Variants in CTCF observed in about 807,000 individuals in gnomAD.
CTCF encodes CCCTC-binding factor.
CTCF carries 7 observed loss-of-function variants against 72.3 expected under a neutral mutation model. The ratio of observed to expected loss-of-function variants is 0.10; its 90% CI spans 0.06 to 0.18. The LOEUF is 0.18. Ranked by LOEUF, CTCF falls within the 10% of genes least tolerant of loss-of-function variation. The probability of loss-of-function intolerance (pLI) is 1.00; values close to 1 mark genes in which losing one functional copy is unlikely to be tolerated. For missense variants in CTCF, 516 were observed against 949.1 expected, an observed-to-expected ratio of 0.54 and a Z score of 6.00; for synonymous variants, 374 against 315.8, an observed-to-expected ratio of 1.18 and a Z score of -1.95.
intron 7 of CTCF, among the ~76,000 whole-genome samples, chr16:67,624,833 A>G (rs796581848): frequency 2.9e-4 from 44 of 152,006 alleles, no homozygotes; most frequent in African/African-American, 8.7e-4. Flanking sequence ...GACTCAAGCA[A>G]TCCACCCACC....
At chr16:67,589,061 G>A (rs777261070) in intron 2 of CTCF, among the ~76,000 whole-genome samples, 80 of 152,174 alleles carry the variant, frequency 5.3e-4, no homozygotes, top group Non-Finnish European at 1.6e-4. Context: ...GGAGGCTGAG[G>A]CAGGAAGATT....
rs111549822 is a variant in CTCF, at chr16:67,622,318, C to T, written c.1357+727C>T. 9.6e-3 allele frequency among the ~76,000 whole-genome samples: 1,457 copies of T among 151,154 alleles called. 26 individuals carry two copies. Among genetic ancestry groups the T allele is most frequent in the African/African-American group, 0.033 (1,352 of 41,182 alleles). On this transcript the variant is annotated intron_variant, in intron 7 of 11. Coordinates refer to ENST00000264010, the MANE Select transcript of CTCF (RefSeq NM_006565.4). ...TTGCAGTGAGCAGAGATCACGCCAC[C>T]GCACTCCAGCCTGGGTGACAGAGCG...
chr16:67,601,032 A>G lies in CTCF; in HGVS notation c.-9-9792A>G, dbSNP rs2051878984. ...TAAGAGGAACTGAGTATTTGAAAGC[A>G]GTAAAGAAAGGAGATGGATTGGAGC... On this transcript the variant is annotated intron_variant, in intron 2 of 11. Transcript: ENST00000264010. Among the ~76,000 whole-genome samples the G allele has an allele frequency of 2.0e-5, 3 of 152,296 alleles. No homozygotes were observed. In the South Asian group the frequency reaches 6.2e-4, roughly 32 times the overall value.
intron 2 of CTCF, among the ~76,000 whole-genome samples, chr16:67,582,889 T>C (rs1158964131): frequency 6.6e-6 from 1 of 152,146 alleles, no homozygotes; most frequent in Non-Finnish European, 1.5e-5. Flanking sequence ...TTAACAGCTA[T>C]GTAGATTATC....
rs546584912 is a variant in CTCF at position 67,617,731 on chromosome 16, C to T, written c.1086+853C>T. On this transcript the variant is annotated intron_variant, in intron 5 of 11. Coordinates refer to ENST00000264010, the MANE Select transcript of CTCF (RefSeq NM_006565.4). The stretch of plus-strand genomic sequence containing the variant: ...GTTAATACAGGCAAATTCTGTCAAA[C>T]TTTGAAGAAAAAACTGTACCCAGAG... 1.6e-3 allele frequency among the ~76,000 whole-genome samples: 243 copies of T among 152,190 alleles called. 1 individual carries two copies. Among genetic ancestry groups the T allele is most frequent in the African/African-American group, 5.6e-3 (233 of 41,558 alleles).
intron 2 of CTCF, among the ~76,000 whole-genome samples, chr16:67,574,735 T>C (rs1015091249): frequency 1.4e-5 from 2 of 144,376 alleles, no homozygotes; most frequent in African/African-American, 5.2e-5. Context: ...CTTGGCTCAC[T>C]GCAAGCTCCG....
intron 10 of CTCF, among the ~76,000 whole-genome samples, chr16:67,631,176 T>TTTTTTTTTG: frequency 6.7e-6 from 1 of 148,536 alleles, no homozygotes; most frequent in Non-Finnish European, 1.5e-5. Context: ...TTTTTTGTTT[T>TTTTTTTTTG]TTTTTTGAGA....
intron 2 of CTCF, among the ~76,000 whole-genome samples, chr16:67,584,334 C>CGTCTTTTTTTTTTT (rs1567596519): frequency 3.3e-5 from 4 of 121,928 alleles, no homozygotes; most frequent in African/African-American, 1.5e-4. Context: ...AAAAAAAAGT[C>CGTCTTTTTTTTTTT]TTCTTTTTTT....
intron 2 of CTCF, among the ~76,000 whole-genome samples, chr16:67,577,644 A>G (rs2051517281): frequency 6.6e-6 from 1 of 150,422 alleles, no homozygotes; most frequent in African/African-American, 2.5e-5. Flanking sequence ...ACGGGATTTC[A>G]CTGTGTTAGC....
intron 1 of CTCF, chr16:67,567,754 C>T (rs1351622447): frequency 1.3e-5 from 2 of 151,792 alleles, no homozygotes; most frequent in Non-Finnish European, 2.9e-5. Context: ...CCATGCCCAG[C>T]TGATTCTTTT....
intron 7 of CTCF, among the ~76,000 whole-genome samples, chr16:67,622,853 G>A (rs1248805873): frequency 1.3e-5 from 2 of 148,886 alleles, no homozygotes; most frequent in Non-Finnish European, 3.0e-5. Flanking sequence ...GTAGAGATGG[G>A]GTTTCACCAT....
rs780242145 is a variant in CTCF, at chr16:67,638,316, C to G, written c.*444C>G. 7 of 229,348 alleles carry G rather than the reference C, an allele frequency of 3.1e-5. No homozygotes were observed. The highest frequency in any genetic ancestry group is 5.2e-5 in the Non-Finnish European group (6 of 116,486). The allele number at this position is 229,348 out of a possible 1,614,324, so 14.2% of individuals were successfully genotyped here. A position where few individuals can be genotyped will look rare whatever the true frequency, so the allele number is the denominator to read the frequency against. ...TTTTTGCTTTTGCTTTTCCCTGACT[C>G]CCTTTGCTTGGAGTCAGCTGCACAC... On this transcript the variant is annotated 3_prime_UTR_variant, in exon 12 of 12. Transcript: ENST00000264010.
In CTCF at chr16:67,580,813, A is replaced by G. The variant is rs575780675; in HGVS notation, c.-10+9549A>G. Among the ~76,000 whole-genome samples the G allele has an allele frequency of 5.1e-5, 7 of 135,996 alleles. No individual in the cohort carries two copies. The East Asian group carries it at 1.0e-3, about 20-fold the overall frequency. 89.2% of individuals were successfully genotyped at this position (135,996 alleles called of 152,430 possible). A position where few individuals can be genotyped will look rare whatever the true frequency, so the allele number is the denominator to read the frequency against. On this transcript the variant is annotated intron_variant, in intron 2 of 11. Coordinates refer to ENST00000264010, the MANE Select transcript of CTCF (RefSeq NM_006565.4). ...TTTTTTTTAGTAGAGACAGGGATTC[A>G]CCATGTTGGCCAGGCTGGTCTAGAA...
intron 2 of CTCF, among the ~76,000 whole-genome samples, chr16:67,608,706 T>C (rs1357540916): frequency 6.6e-6 from 1 of 151,686 alleles, no homozygotes; most frequent in African/African-American, 2.4e-5. Context: ...AAAAACAAAA[T>C]ACAAGGAAAT....
Position 67,610,415 on chromosome 16 carries a change from C to T in CTCF, c.-9-409C>T, listed in dbSNP as rs1198953882. Among the ~76,000 whole-genome samples the T allele has an allele frequency of 2.1e-5, 3 of 143,258 alleles. No homozygotes were observed. In the East Asian group the frequency reaches 6.2e-4, roughly 30 times the overall value. The allele number at this position is 143,258 out of a possible 152,430, so 94.0% of individuals were successfully genotyped here. A position where few individuals can be genotyped will look rare whatever the true frequency, so the allele number is the denominator to read the frequency against. On this transcript the variant is annotated intron_variant, in intron 2 of 11. Coordinates refer to ENST00000264010, the MANE Select transcript of CTCF (RefSeq NM_006565.4). ...TCCCCCACGCTGGAGCGCAGTGGTGCAATCTCGGCTCACTGCAAGCTCCGC... is the reference window on the plus strand; with the variant it reads ...TCCCCCACGCTGGAGCGCAGTGGTGTAATCTCGGCTCACTGCAAGCTCCGC...
chr16:67,584,421 A>G (rs1406931041), intron 2 of CTCF, among the ~76,000 whole-genome samples: 1 of 142,272 alleles, frequency 7.0e-6, no homozygotes, highest in Non-Finnish European at 1.5e-5. Flanking sequence ...GCTCACCGCA[A>G]CCTCTGCCCC....
chr16:67,636,419 G>C (rs369351880), intron 10 of CTCF, among the ~76,000 whole-genome samples: 1 of 148,460 alleles, frequency 6.7e-6, no homozygotes, highest in Non-Finnish European at 1.5e-5. Context: ...ATGGTGGTGC[G>C]TGCCTGTAGT....
At chr16:67,580,723 G>T (rs1013175458) in intron 2 of CTCF, among the ~76,000 whole-genome samples, 1 of 149,284 alleles carries the variant, frequency 6.7e-6, no homozygotes, top group East Asian at 2.0e-4. Context: ...CACCACACTC[G>T]GCTAATTTTG....
At chr16:67,609,662 C>T (rs1206434813) in intron 2 of CTCF, among the ~76,000 whole-genome samples, 3 of 145,692 alleles carry the variant, frequency 2.1e-5, no homozygotes, top group African/African-American at 2.5e-5. Flanking sequence ...CTCGCTCTGT[C>T]GCCCAGGCTG....
Sources: gnomAD v4.1 joint callset for allele counts (sites outside exome capture counted in the v4.1 genomes callset) on GRCh38, gnomAD v4.1.1 for gene constraint, MANE v1.5 for transcripts, NCBI Gene and HGNC (gene_info 2026-07-23, HGNC 2026-07-21) for gene names.